The following ELOVL7 variants were observed in gnomAD, a reference collection of about 807,000 sequenced individuals.
ELOVL7 encodes the protein very long chain fatty acid elongase 7.
A neutral mutation model predicts 35.7 loss-of-function variants in ELOVL7; 27 were observed. That is an observed-to-expected ratio of 0.76 (90% confidence interval 0.56 to 1.04). The LOEUF is 1.04. ELOVL7 is among the 50% of genes least tolerant of loss of function. ELOVL7 has a pLI of 0.00. For missense variants in ELOVL7, 327 were observed against 340.8 expected (o/e 0.96, Z 0.32); for synonymous variants, 113 against 114.6 (o/e 0.99, Z 0.09).
Position 60,767,919 on chromosome 5 carries a change from T to C in ELOVL7, c.256-16A>G, listed in dbSNP as rs201806045. On this transcript the variant is annotated splice_polypyrimidine_tract_variant and intron_variant, in intron 4 of 8. Transcript: ENST00000508821. ...ACATCACAAACTGCAAGAGAGCACA[T>C]GCATATTAAGAAAGGAAAGCATTTT... 6.2e-6 allele frequency: 10 copies of C among 1,604,390 alleles called. No individual in the cohort carries two copies. In the Admixed American group the frequency reaches 8.3e-5, roughly 13 times the overall value.
intron 3 of ELOVL7, among the ~76,000 whole-genome samples, chr5:60,783,642 C>T (rs188843751): frequency 6.6e-6 from 1 of 152,194 alleles, no homozygotes; most frequent in Non-Finnish European, 1.5e-5. Flanking sequence ...ACTGCACCCA[C>T]AGCTACTTGG....
At chr5:60,799,669 G>C (rs1161652098) in intron 1 of ELOVL7, among the ~76,000 whole-genome samples, 2 of 152,180 alleles carry the variant, frequency 1.3e-5, no homozygotes. Flanking sequence ...GATCAAGTCA[G>C]TAATCAAAAA....
intron 3 of ELOVL7, among the ~76,000 whole-genome samples, chr5:60,772,851 T>C (rs1231401436): frequency 6.6e-6 from 1 of 152,204 alleles, no homozygotes; most frequent in African/African-American, 2.4e-5. Context: ...CATGCTTTTA[T>C]ATATTAAAAA....
intron 3 of ELOVL7, among the ~76,000 whole-genome samples, chr5:60,777,949 T>C (rs1743005187): frequency 6.6e-6 from 1 of 152,210 alleles, no homozygotes; most frequent in Non-Finnish European, 1.5e-5. Context: ...CAAGGTGTCA[T>C]GCACAAAATA....
intron 1 of ELOVL7, chr5:60,843,292 C>T (rs1315204496): frequency 6.6e-6 from 1 of 152,194 alleles, no homozygotes. Flanking sequence ...CCAAAGAGCG[C>T]TCTGTCCGCA....
chr5:60,785,152 C>T (rs1743499892), intron 3 of ELOVL7, among the ~76,000 whole-genome samples: 1 of 152,172 alleles, frequency 6.6e-6, no homozygotes, highest in Non-Finnish European at 1.5e-5. Context: ...TATCCTCTCT[C>T]CCCTCCCAAG....
chr5:60,772,729 G>A (rs113896295), intron 3 of ELOVL7, among the ~76,000 whole-genome samples: 50 of 152,226 alleles, frequency 3.3e-4, no homozygotes, highest in African/African-American at 1.2e-3. Context: ...TTCATGGATC[G>A]TTCTCCAGGG....
chr5:60,810,951 T>G (rs1400593017), intron 1 of ELOVL7, among the ~76,000 whole-genome samples: 1 of 152,254 alleles, frequency 6.6e-6, no homozygotes, highest in Middle Eastern at 3.4e-3. Flanking sequence ...TTTTCTCAGT[T>G]TCAATTTTAA....
At chr5:60,780,016 C>T (rs973273066) in intron 3 of ELOVL7, among the ~76,000 whole-genome samples, 4 of 152,100 alleles carry the variant, frequency 2.6e-5, no homozygotes, top group Admixed American at 1.3e-4. Flanking sequence ...TCCTCATCTC[C>T]ATCTGAGACC....
At chr5:60,759,631 AG>A (rs1469286593) in intron 7 of ELOVL7, among the ~76,000 whole-genome samples, 39 of 151,180 alleles carry the variant, frequency 2.6e-4, no homozygotes, top group African/African-American at 9.2e-4. Flanking sequence ...ATTTGTCTAA[AG>A]TTTTTTTTAT....
intron 7 of ELOVL7, among the ~76,000 whole-genome samples, chr5:60,759,191 C>G (rs1741729499): frequency 6.6e-6 from 1 of 152,162 alleles, no homozygotes; most frequent in Non-Finnish European, 1.5e-5. Flanking sequence ...TTATGCTATA[C>G]TGTTCTACAT....
intron 1 of ELOVL7, among the ~76,000 whole-genome samples, chr5:60,830,614 T>C (rs1361899513): frequency 3.3e-5 from 5 of 151,504 alleles, no homozygotes; most frequent in East Asian, 3.9e-4. Flanking sequence ...TCTTTCTTTT[T>C]TTTTTTTTTT....
intron 1 of ELOVL7, among the ~76,000 whole-genome samples, chr5:60,805,218 G>C (rs539969532): frequency 6.6e-6 from 1 of 152,342 alleles, no homozygotes; most frequent in East Asian, 1.9e-4. Flanking sequence ...ATATTCTGAA[G>C]TATATGTTAT....
chr5:60,755,252 T>C (rs1285371949), intron 8 of ELOVL7, among the ~76,000 whole-genome samples: 3 of 152,232 alleles, frequency 2.0e-5, no homozygotes, highest in African/African-American at 7.2e-5. Context: ...TTGGACCAGA[T>C]ATTTTAATTT....
intron 1 of ELOVL7, among the ~76,000 whole-genome samples, chr5:60,808,638 G>T (rs1317527131): frequency 6.6e-6 from 1 of 152,064 alleles, no homozygotes; most frequent in Non-Finnish European, 1.5e-5. Flanking sequence ...CCAAGACAAA[G>T]AAATACTTAT....
intron 7 of ELOVL7, among the ~76,000 whole-genome samples, chr5:60,762,299 CAA>C (rs3030130): frequency 0.22 from 17,688 of 79,080 alleles, 1,931 homozygotes; most frequent in African/African-American, 0.44. Context: ...AACTCTGCCT[CAA>C]AAAAAAAAAA....
At chr5:60,797,757 C>T (rs1423502963) in intron 2 of ELOVL7, among the ~76,000 whole-genome samples, 1 of 152,142 alleles carries the variant, frequency 6.6e-6, no homozygotes, top group Admixed American at 6.5e-5. Context: ...AGTACAAGGA[C>T]ATCTGAGCAC....
intron 1 of ELOVL7, among the ~76,000 whole-genome samples, chr5:60,826,580 T>C (rs186218239): frequency 1.3e-5 from 2 of 152,328 alleles, no homozygotes; most frequent in East Asian, 3.9e-4. Flanking sequence ...TTTTAACAAA[T>C]TTCCTGTCTC....
chr5:60,841,793 T>C lies in ELOVL7; in HGVS notation c.-86+2367A>G, dbSNP rs115179936. ...ATATTTTGTTTTGTCAAGATAAGGA[T>C]AAATGGTTTTCTGCTGATTTGCTTC... On this transcript the variant is annotated intron_variant, in intron 1 of 8. Coordinates refer to ENST00000508821, the MANE Select transcript of ELOVL7 (RefSeq NM_024930.3). Among the ~76,000 whole-genome samples the C allele has an allele frequency of 1.2e-3, 188 of 152,322 alleles. 1 individual carries two copies. Among genetic ancestry groups the C allele is most frequent in the African/African-American group, 4.4e-3 (184 of 41,568 alleles).
Sources: gnomAD v4.1 joint callset for allele counts (sites outside exome capture counted in the v4.1 genomes callset) on GRCh38, gnomAD v4.1.1 for gene constraint, MANE v1.5 for transcripts, NCBI Gene and HGNC (gene_info 2026-07-23, HGNC 2026-07-21) for gene names.